The following DIS3L2 variants were observed in gnomAD, a reference collection of about 807,000 sequenced individuals.
DIS3L2 encodes the protein DIS3 like 3'-5' exoribonuclease 2, also known as DIS3-like exonuclease 2.
Under a neutral mutation model 97.5 loss-of-function variants are expected in DIS3L2, and 34 were observed. The ratio of observed to expected loss-of-function variants is 0.35; its 90% CI spans 0.27 to 0.46. The LOEUF is 0.46. DIS3L2 is among the 20% of genes least tolerant of loss of function. The probability of loss-of-function intolerance (pLI) is 1.00; values close to 1 mark genes in which losing one functional copy is unlikely to be tolerated. For missense variants in DIS3L2, 1,038 were observed against 1,146.0 expected (o/e 0.91, Z 1.36); for synonymous variants, 435 against 445.2 (o/e 0.98, Z 0.29).
intron 14 of DIS3L2, among the ~76,000 whole-genome samples, chr2:232,300,339 G>A (rs1694822901): frequency 6.6e-6 from 1 of 152,198 alleles, no homozygotes; most frequent in African/African-American, 2.4e-5. Context: ...CAGTTGTGGT[G>A]TGTTAGAAGT....
intron 5 of DIS3L2, among the ~76,000 whole-genome samples, chr2:232,076,142 T>G (rs1453951498): frequency 6.6e-6 from 1 of 152,190 alleles, no homozygotes; most frequent in East Asian, 1.9e-4. Context: ...CATCTTGATC[T>G]TCCTTTCTCC....
chr2:232,282,332 G>GC (rs1694314093), intron 13 of DIS3L2, among the ~76,000 whole-genome samples: 3 of 152,060 alleles, frequency 2.0e-5, no homozygotes, highest in Non-Finnish European at 4.4e-5. Context: ...CAGGAGGAGT[G>GC]CCCCCCATCC....
chr2:232,323,452 T>C (rs1489041073), intron 14 of DIS3L2, among the ~76,000 whole-genome samples: 1 of 152,152 alleles, frequency 6.6e-6, no homozygotes, highest in Non-Finnish European at 1.5e-5. Context: ...TTCCTTCCTT[T>C]GGAGCTAGAA....
chr2:232,193,891 T>C (rs1162114150), intron 9 of DIS3L2, among the ~76,000 whole-genome samples: 1 of 152,160 alleles, frequency 6.6e-6, no homozygotes, highest in Non-Finnish European at 1.5e-5. Context: ...GGCGGATCAC[T>C]TGAGACCAGG....
chr2:232,040,659 A>G lies in DIS3L2; in HGVS notation c.366+10579A>G, dbSNP rs141188343. Among the ~76,000 whole-genome samples the G allele has an allele frequency of 2.7e-3, 415 of 152,242 alleles. 1 individual carries two copies. Among genetic ancestry groups the G allele is most frequent in the African/African-American group, 9.2e-3 (381 of 41,546 alleles). On this transcript the variant is annotated intron_variant, in intron 5 of 20. Transcript: ENST00000325385. ...ATAAACCCTGTGGGTGCTAATAACAACTGCTAACTTACTGGTGCTTACCGT... is the reference window on the plus strand; with the variant it reads ...ATAAACCCTGTGGGTGCTAATAACAGCTGCTAACTTACTGGTGCTTACCGT...
In DIS3L2 at chr2:232,329,988, G is replaced by A. The variant is rs762363254; in HGVS notation, c.1915G>A (p.Ala639Thr). The A allele has an allele frequency of 4.4e-6, 7 of 1,609,050 alleles. No individual in the cohort carries two copies. The highest frequency in any genetic ancestry group is 5.9e-6 in the Non-Finnish European group (7 of 1,177,294). ...GLPVDFSSAG[A>T]LNKSLTQTFG... is the part of the protein sequence containing the mutation. ...GCCCGTGGACTTCAGCTCCGCAGGA[G>A]CCCTCAATGTGAGTGGTGGGCAGGA... The change falls in exon 15 of 21, where the codon GCC becomes ACC. Residue 639 changes from alanine (A) to threonine (T), a missense_variant. Ala to Thr is a moderately conservative substitution (Grantham distance 58). This residue lies in a region of DIS3L2 where 813 missense variants were observed against 880.1 expected (regional missense o/e 0.92). Coordinates refer to ENST00000325385, the MANE Select transcript of DIS3L2 (RefSeq NM_152383.5).
At chr2:232,188,386 A>C (rs1029435872) in intron 9 of DIS3L2, among the ~76,000 whole-genome samples, 1 of 152,200 alleles carries the variant, frequency 6.6e-6, no homozygotes, top group Non-Finnish European at 1.5e-5. Flanking sequence ...CTTTTTTCTC[A>C]ATAACAGAAC....
intron 19 of DIS3L2, 63 bp downstream of exon 19, chr2:232,334,798 G>A (rs1184558393): frequency 9.0e-6 from 13 of 1,450,560 alleles, no homozygotes; most frequent in Non-Finnish European, 1.1e-5. Context: ...CACTGGAGGG[G>A]CACAGGCTGT....
At chr2:232,139,633 A>G (rs973661170) in intron 8 of DIS3L2, among the ~76,000 whole-genome samples, 1 of 152,158 alleles carries the variant, frequency 6.6e-6, no homozygotes, top group African/African-American at 2.4e-5. Context: ...AGAATGTTCT[A>G]AGTTCTTCCA....
intron 13 of DIS3L2, among the ~76,000 whole-genome samples, chr2:232,295,873 C>G (rs1694713968): frequency 6.6e-6 from 1 of 152,196 alleles, no homozygotes; most frequent in Non-Finnish European, 1.5e-5. Flanking sequence ...TGACTATGCC[C>G]TCCTTGAGGC....
intron 6 of DIS3L2, among the ~76,000 whole-genome samples, chr2:232,089,815 C>T (rs1574866728): frequency 6.6e-6 from 1 of 152,156 alleles, no homozygotes; most frequent in East Asian, 1.9e-4. Context: ...ATGGAAGTGA[C>T]AGCAGAATGG....
At chr2:232,164,040 A>G (rs1448384919) in intron 9 of DIS3L2, among the ~76,000 whole-genome samples, 1 of 152,194 alleles carries the variant, frequency 6.6e-6, no homozygotes, top group Admixed American at 6.5e-5. Flanking sequence ...ATGGCCTGCA[A>G]AGCCAAAAGT....
intron 10 of DIS3L2, among the ~76,000 whole-genome samples, chr2:232,211,439 C>T (rs1692188475): frequency 6.6e-6 from 1 of 152,210 alleles, no homozygotes; most frequent in Admixed American, 6.5e-5. Flanking sequence ...AACCACCATG[C>T]CCAGCACCCC....
chr2:232,063,468 CT>C (rs1350049176), intron 5 of DIS3L2, among the ~76,000 whole-genome samples: 3 of 152,078 alleles, frequency 2.0e-5, no homozygotes, highest in Non-Finnish European at 2.9e-5. Flanking sequence ...CTCATTCTTC[CT>C]TAGTGGATTT....
chr2:232,194,418 T>C (rs1691694057), intron 9 of DIS3L2, among the ~76,000 whole-genome samples: 1 of 152,194 alleles, frequency 6.6e-6, no homozygotes, highest in Non-Finnish European at 1.5e-5. Context: ...TCAGGGTGTT[T>C]TGGCAGAACT....
At chr2:232,303,408 A>G (rs1213999283) in intron 14 of DIS3L2, among the ~76,000 whole-genome samples, 5 of 152,244 alleles carry the variant, frequency 3.3e-5, no homozygotes, top group African/African-American at 1.2e-4. Context: ...ATGTTGTCTC[A>G]GGCTAAGTAA....
intron 14 of DIS3L2, among the ~76,000 whole-genome samples, chr2:232,302,946 A>T (rs998984753): frequency 6.6e-6 from 1 of 152,212 alleles, no homozygotes; most frequent in Non-Finnish European, 1.5e-5. Flanking sequence ...TAATAGTAGG[A>T]TTAATAATAC....
chr2:232,138,286 A>T (rs1011716705), intron 8 of DIS3L2, among the ~76,000 whole-genome samples: 26 of 152,170 alleles, frequency 1.7e-4, no homozygotes, highest in African/African-American at 6.3e-4. Context: ...TGAAGCCTCA[A>T]GCACATTTGC....
At chr2:232,248,146 C>A (rs553687556) in intron 11 of DIS3L2, among the ~76,000 whole-genome samples, 1 of 152,190 alleles carries the variant, frequency 6.6e-6, no homozygotes, top group Non-Finnish European at 1.5e-5. Flanking sequence ...AGATACTTCA[C>A]GCAGAATAAG....
Sources: allele counts gnomAD v4.1 joint callset (sites outside exome capture counted in the v4.1 genomes callset), GRCh38; gene constraint gnomAD v4.1.1; regional missense constraint gnomAD v4.1.1; transcripts MANE v1.5; gene names NCBI Gene and HGNC (gene_info 2026-07-23, HGNC 2026-07-21).